Variants in STC1 observed in about 807,000 individuals in gnomAD.
STC1 encodes the protein stanniocalcin-1.
In STC1, 7 loss-of-function variants were observed where a neutral mutation model predicts 22.6. The observed-to-expected ratio is 0.31, with a 90% CI of 0.18 to 0.58. STC1 has a LOEUF of 0.58. STC1 is among the 20% of genes least tolerant of loss of function. The pLI, the probability that STC1 is intolerant of heterozygous loss-of-function variation, is 0.89. For synonymous variants in STC1, 113 were observed against 120.7 expected (o/e 0.94, Z 0.42); for missense variants, 224 against 311.0 (o/e 0.72, Z 2.10).
At chr8:23,849,357 A>G (rs1482104222) in intron 3 of STC1, among the ~76,000 whole-genome samples, 1 of 152,186 alleles carries the variant, frequency 6.6e-6, no homozygotes, top group African/African-American at 2.4e-5. Flanking sequence ...GTTAAAGTGA[A>G]ATTTTTGGAG....
chr8:23,851,836 T>C (rs562445984), intron 2 of STC1, among the ~76,000 whole-genome samples: 33 of 152,276 alleles, frequency 2.2e-4, no homozygotes, highest in Non-Finnish European at 4.4e-4. Flanking sequence ...ATTCTTGAGA[T>C]TGAGACTTTG....
At position 23,846,009 on chromosome 8, in the gene STC1, C is replaced by T. The variant is rs1246439980; in HGVS notation, c.474-969G>A. Among the ~76,000 whole-genome samples the T allele has an allele frequency of 5.3e-5, 8 of 152,302 alleles. No homozygotes were observed. The East Asian group carries it at 9.7e-4, about 18-fold the overall frequency. Reference sequence around the variant, plus strand: ...TGTATTCCTTATGGCCCGGTGCCATCGTGCTACATTGCCTGATCACTGCAC... The same window carrying T: ...TGTATTCCTTATGGCCCGGTGCCATTGTGCTACATTGCCTGATCACTGCAC... On this transcript the variant is annotated intron_variant, in intron 3 of 3. Coordinates refer to ENST00000290271, the MANE Select transcript of STC1 (RefSeq NM_003155.3).
intron 3 of STC1, among the ~76,000 whole-genome samples, chr8:23,845,854 C>A (rs1483299783): frequency 1.3e-5 from 2 of 152,150 alleles, no homozygotes; most frequent in African/African-American, 2.4e-5. Flanking sequence ...AGTTTGCTAA[C>A]CTCTTCCCTT....
intron 3 of STC1, 42 bp from the exon 4 acceptor site, chr8:23,845,082 G>C: frequency 6.3e-7 from 1 of 1,597,306 alleles, no homozygotes; most frequent in Non-Finnish European, 8.5e-7. Context: ...CACCCAGTGA[G>C]AGCCCGGCGA....
chr8:23,842,308 TTTGGAAGTTTAAGGGGGAA>T lies in STC1; in HGVS notation c.*2443_*2461del, dbSNP rs1401017272. ...CTCTGCAGCAAACACAAGACGAAGC[TTTGGAAGTTTAAGGGGGAA>T]TTGGAGGGAGTAGGGTGGGGGAAAG... On this transcript the variant is annotated 3_prime_UTR_variant, in exon 4 of 4. Coordinates refer to ENST00000290271, the MANE Select transcript of STC1 (RefSeq NM_003155.3). 1 of 151,588 alleles carries T rather than the reference TTTGGAAGTTTAAGGGGGAA, an allele frequency of 6.6e-6. No individual in the cohort carries two copies. Among genetic ancestry groups the T allele is most frequent in the African/African-American group, 2.4e-5 (1 of 41,150 alleles). The allele number at this position is 151,588 out of a possible 1,614,324, so 9.4% of individuals were successfully genotyped here.
At chr8:23,852,453 C>T (rs1018214247) in intron 1 of STC1, 69 bp from the exon 2 acceptor site, 3 of 1,504,232 alleles carry the variant, frequency 2.0e-6, no homozygotes, top group African/African-American at 2.8e-5. Flanking sequence ...CAAGTGGGTG[C>T]AGAGGTGAAT....
chr8:23,847,051 A>G (rs1357838344), intron 3 of STC1, among the ~76,000 whole-genome samples: 1 of 152,208 alleles, frequency 6.6e-6, no homozygotes, highest in Non-Finnish European at 1.5e-5. Context: ...TAAGGACTTT[A>G]TAACTTAGAA....
At position 23,851,499 on chromosome 8, in the gene STC1, G is replaced by A. The variant is rs753738786; in HGVS notation, c.294C>T (p.Cys98=). The A allele has an allele frequency of 1.2e-6, 2 of 1,614,150 alleles. No individual in the cohort carries two copies. Among genetic ancestry groups the A allele is most frequent in the Non-Finnish European group, 1.7e-6 (2 of 1,180,026 alleles). ...GKAFVKESLK[C]IANGVTSKVF... is the part of the protein sequence containing the mutation. Reference sequence around the variant, plus strand: ...CCTTGGAGGTGACCCCGTTGGCGATGCATTTTAAGCTCTCTTTGACGAATG... The same window carrying A: ...CCTTGGAGGTGACCCCGTTGGCGATACATTTTAAGCTCTCTTTGACGAATG... Residue 98 remains cysteine (C), a synonymous_variant, in exon 3 of 4, where the codon TGC becomes TGT. Transcript: ENST00000290271.
rs1172923904 is a variant in STC1 at position 23,843,161 on chromosome 8, G to A, written c.*1609C>T. 1 of 152,528 alleles carries A rather than the reference G, an allele frequency of 6.6e-6. No individual in the cohort carries two copies. Among genetic ancestry groups the A allele is most frequent in the Non-Finnish European group, 1.5e-5 (1 of 68,058 alleles). 9.4% of individuals were successfully genotyped at this position (152,528 alleles called of 1,614,324 possible). A position where few individuals can be genotyped will look rare whatever the true frequency, so the allele number is the denominator to read the frequency against. On this transcript the variant is annotated 3_prime_UTR_variant, in exon 4 of 4. Transcript: ENST00000290271. ...TTGGTGGGCAGTGACGCTCATAAGG[G>A]ACTGTTGGGTTCAAGGACAGTGACC...
intron 1 of STC1, among the ~76,000 whole-genome samples, chr8:23,853,277 A>G (rs1802659606): frequency 6.6e-6 from 1 of 152,234 alleles, no homozygotes; most frequent in African/African-American, 2.4e-5. Context: ...GATCAAAAGC[A>G]TGGTTCAGTT....
intron 2 of STC1, 53 bp from the exon 3 acceptor site, chr8:23,851,584 G>C: frequency 6.4e-7 from 1 of 1,560,674 alleles, no homozygotes; most frequent in Non-Finnish European, 8.8e-7. Flanking sequence ...TGACAAAGAG[G>C]ATGGGCATAT....
rs1289430757 is a variant in STC1, at chr8:23,842,183, T to C, written c.*2587A>G. 1.3e-5 allele frequency: 2 copies of C among 152,518 alleles called. No homozygotes were observed. The highest frequency in any genetic ancestry group is 4.8e-5 in the African/African-American group (2 of 41,412). The allele number at this position is 152,518 out of a possible 1,614,324, so 9.4% of individuals were successfully genotyped here. On this transcript the variant is annotated 3_prime_UTR_variant, in exon 4 of 4. Transcript: ENST00000290271. ...AAAAACCTAAATATCATTTAAATTA[T>C]AAATACATAATGCAAATATAATGGC...
At chr8:23,845,915 G>A (rs985554471) in intron 3 of STC1, among the ~76,000 whole-genome samples, 5 of 152,160 alleles carry the variant, frequency 3.3e-5, no homozygotes, top group Non-Finnish European at 5.9e-5. Flanking sequence ...AGCATTTGAT[G>A]GTTTTGTGAT....
At chr8:23,845,866 T>A (rs557917929) in intron 3 of STC1, among the ~76,000 whole-genome samples, 1 of 152,310 alleles carries the variant, frequency 6.6e-6, no homozygotes, top group East Asian at 1.9e-4. Flanking sequence ...TCTTCCCTTT[T>A]TGGATATTTA....
chr8:23,854,759 T>C lies in STC1; in HGVS notation c.-236A>G. 4.8e-6 allele frequency: 3 copies of C among 625,340 alleles called. No homozygotes were observed. The highest frequency in any genetic ancestry group is 3.1e-5 in the South Asian group (2 of 65,082). 38.7% of individuals were successfully genotyped at this position (625,340 alleles called of 1,614,324 possible). Reference sequence around the variant, plus strand: ...CTGCTGCTGCCACCGCCGCTGCTGCTGCTGCTGCTGCAGTCGCTGCTTCTT... The same window carrying C: ...CTGCTGCTGCCACCGCCGCTGCTGCCGCTGCTGCTGCAGTCGCTGCTTCTT... On this transcript the variant is annotated 5_prime_UTR_variant, in exon 1 of 4. Coordinates refer to ENST00000290271, the MANE Select transcript of STC1 (RefSeq NM_003155.3).
In STC1 at chr8:23,854,695, C is replaced by A; in HGVS notation, c.-172G>T. 1.4e-6 allele frequency: 1 copy of A among 715,064 alleles called. No homozygotes were observed. The highest frequency in any genetic ancestry group is 2.5e-6 in the Non-Finnish European group (1 of 394,134). 44.3% of individuals were successfully genotyped at this position (715,064 alleles called of 1,614,324 possible). A position where few individuals can be genotyped will look rare whatever the true frequency, so the allele number is the denominator to read the frequency against. ...GTTGCTGGTGATGCTGCTGCTGCCA[C>A]CGGTGCCTCCGCTGCTGCTGCTGCT... is the stretch of plus-strand genomic sequence containing the variant. On this transcript the variant is annotated 5_prime_UTR_variant, in exon 1 of 4. Coordinates refer to ENST00000290271, the MANE Select transcript of STC1 (RefSeq NM_003155.3).
chr8:23,854,680 A>T lies in STC1; in HGVS notation c.-157T>A. 1 of 765,618 alleles carries T rather than the reference A, an allele frequency of 1.3e-6. No individual in the cohort carries two copies. The highest frequency in any genetic ancestry group is 2.3e-6 in the Non-Finnish European group (1 of 429,734). 47.4% of individuals were successfully genotyped at this position (765,618 alleles called of 1,614,324 possible). On this transcript the variant is annotated 5_prime_UTR_variant, in exon 1 of 4. Coordinates refer to ENST00000290271, the MANE Select transcript of STC1 (RefSeq NM_003155.3). The stretch of plus-strand genomic sequence containing the variant: ...TTTTTTTTTGTTGTTGTTGCTGGTG[A>T]TGCTGCTGCTGCCACCGGTGCCTCC...
At position 23,852,274 on chromosome 8, in the gene STC1, A is replaced by G. The variant is rs760262473; in HGVS notation, c.229T>C (p.Phe77Leu). 5.0e-6 allele frequency: 8 copies of G among 1,614,164 alleles called. No individual in the cohort carries two copies. Among genetic ancestry groups the G allele is most frequent in the Non-Finnish European group, 6.8e-6 (8 of 1,180,024 alleles). ...TCAAATTTAGCAGCGCTGTACAAGA[A>G]GGATTTACAGATGTCATACATCCCA... ...TDGMYDICKS[F>L]LYSAAKFDTQ... Residue 77 changes from phenylalanine to leucine, a missense_variant, in exon 2 of 4, where the codon TTC (phenylalanine) becomes CTC (leucine). Transcript: ENST00000290271.
intron 3 of STC1, among the ~76,000 whole-genome samples, chr8:23,848,586 T>C (rs1802600760): frequency 6.6e-6 from 1 of 150,488 alleles, no homozygotes; most frequent in Non-Finnish European, 1.5e-5. Context: ...TTTATCTTTA[T>C]GGAGGATGGA....
Sources: allele counts gnomAD v4.1 joint callset (sites outside exome capture counted in the v4.1 genomes callset), GRCh38; gene constraint gnomAD v4.1.1; transcripts MANE v1.5; gene names NCBI Gene and HGNC (gene_info 2026-07-23, HGNC 2026-07-21).